ZNF81: variants seen among roughly 807,000 people sequenced by gnomAD.
The protein encoded by ZNF81 is zinc finger protein 81.
ZNF81 carries 5 observed loss-of-function variants against 32.3 expected under a neutral mutation model. That is an observed-to-expected ratio of 0.15 (90% CI 0.08 to 0.33). The LOEUF (loss-of-function observed/expected upper bound fraction) is 0.33. Ranked by LOEUF, ZNF81 falls within the 10% of genes least tolerant of loss-of-function variation. The probability of loss-of-function intolerance (pLI) is 1.00; values close to 1 mark genes in which losing one functional copy is unlikely to be tolerated. For synonymous variants in ZNF81, 163 were observed against 166.8 expected, an observed-to-expected ratio of 0.98 and a Z score of 0.17; for missense variants, 379 against 479.8, an observed-to-expected ratio of 0.79 and a Z score of 1.96.
At chrX:47,912,203 G>A (rs141186523) in intron 4 of ZNF81, among the ~76,000 whole-genome samples, 1,210 of 109,694 alleles carry the variant, frequency 0.011, 19 homozygotes, top group African/African-American at 0.04. Flanking sequence ...TGCTTCTGAA[G>A]CCATGCCTAG....
At chrX:47,883,961 AT>A (rs35559383) in intron 2 of ZNF81, among the ~76,000 whole-genome samples, 45,254 of 109,742 alleles carry the variant, frequency 0.41, 7,554 homozygotes, top group Middle Eastern at 0.61. Context: ...GTTATAAGAG[AT>A]TGTGGCTGGG....
At chrX:47,901,904 G>A (rs1044532647) in intron 4 of ZNF81, among the ~76,000 whole-genome samples, 1 of 111,366 alleles carries the variant, frequency 9.0e-6, no homozygotes, top group East Asian at 2.8e-4. Context: ...GAATTTTTCA[G>A]TGTTCACGTC....
intron 1 of ZNF81, among the ~76,000 whole-genome samples, chrX:47,840,462 A>T (rs2058443159): frequency 9.1e-6 from 1 of 109,352 alleles, no homozygotes; most frequent in Admixed American, 9.6e-5. Flanking sequence ...TGCCATGAAC[A>T]TAAGCTACTG....
chrX:47,912,703 C>T (rs2058743208), intron 4 of ZNF81, among the ~76,000 whole-genome samples: 1 of 109,558 alleles, frequency 9.1e-6, no homozygotes, highest in Non-Finnish European at 1.9e-5. Flanking sequence ...GTGCTTGACT[C>T]TGTGTTTCTG....
chrX:47,840,937 A>C (rs1427148356), intron 1 of ZNF81: 24 of 494,946 alleles, frequency 4.8e-5, no homozygotes, highest in Middle Eastern at 5.6e-4. Flanking sequence ...CATTGATACA[A>C]ATTTACTGCA....
chrX:47,837,660 TA>T (rs1253901121), intron 1 of ZNF81, among the ~76,000 whole-genome samples: 1 of 112,438 alleles, frequency 8.9e-6, no homozygotes, highest in Non-Finnish European at 1.9e-5. Context: ...TTGTCAAAAA[TA>T]AGTTGGCCAT....
Position 47,915,442 on chromosome X carries a change from A to G in ZNF81, c.796A>G (p.Lys266Glu). 8.3e-7 allele frequency: 1 copy of G among 1,211,684 alleles called. No individual in the cohort carries two copies. The highest frequency in any genetic ancestry group is 1.8e-5 in the South Asian group (1 of 56,992). The change falls in exon 5 of 5, where the codon AAA (lysine) becomes GAA (glutamate). Residue 266 changes from lysine (K) to glutamate (E), a missense_variant. Lys to Glu is a moderately conservative substitution (Grantham distance 56, BLOSUM62 1). This residue lies in a region of ZNF81 where 277 missense variants were observed against 306.6 expected (regional missense o/e 0.90). Coordinates refer to ENST00000338637, the MANE Select transcript of ZNF81 (RefSeq NM_007137.5). ...SLKHSLSQNV[K>E]FPIGEKANTC... ...CAAACACTCACTCAGTCAAAATGTG[A>G]AATTTCCCATTGGAGAGAAAGCAAA...
At chrX:47,888,257 A>G in intron 3 of ZNF81, 132 bp downstream of exon 3, 1 of 916,380 alleles carries the variant, frequency 1.1e-6, no homozygotes, top group Non-Finnish European at 1.5e-6. Flanking sequence ...GAGTCTTTAC[A>G]GAAGTAATCA....
intron 3 of ZNF81, among the ~76,000 whole-genome samples, chrX:47,889,921 C>T (rs1335562744): frequency 9.0e-6 from 1 of 111,325 alleles, no homozygotes; most frequent in South Asian, 3.8e-4. Flanking sequence ...AATCCGCCAC[C>T]ATGATCCAGT....
chrX:47,855,383 A>G (rs2058512678), intron 2 of ZNF81, among the ~76,000 whole-genome samples: 1 of 111,055 alleles, frequency 9.0e-6, no homozygotes, highest in African/African-American at 3.3e-5. Flanking sequence ...TACGAGAAAC[A>G]CAATATCTCT....
chrX:47,909,536 C>T (rs2058731920), intron 4 of ZNF81, among the ~76,000 whole-genome samples: 1 of 110,227 alleles, frequency 9.1e-6, no homozygotes, highest in African/African-American at 3.3e-5. Context: ...TTTAGGTTGT[C>T]ATACATGGCT....
chrX:47,915,055 G>A lies in ZNF81; in HGVS notation c.409G>A (p.Glu137Lys). The A allele has an allele frequency of 8.3e-7, 1 of 1,209,236 alleles. No homozygotes were observed. Among genetic ancestry groups the A allele is most frequent in the Non-Finnish European group, 1.1e-6 (1 of 894,697 alleles). ...TTTAGAAGAATTGTGGCAAGATGCT[G>A]AACAGATAAAGAGATGTCAGGAAAA... ...SILEELWQDA[E>K]QIKRCQEKHN... The change falls in exon 5 of 5, where the codon GAA becomes AAA. Residue 137 changes from glutamate (E) to lysine (K), a missense_variant. This residue lies in a region of ZNF81 where 277 missense variants were observed against 306.6 expected (regional missense o/e 0.90). Transcript: ENST00000338637.
chrX:47,902,225 A>G lies in ZNF81; in HGVS notation c.277+6285A>G. Among the ~76,000 whole-genome samples the G allele has an allele frequency of 1.8e-5, 2 of 111,521 alleles. 1 individual carries two copies. Among genetic ancestry groups the G allele is most frequent in the Middle Eastern group, 8.4e-3 (2 of 237 alleles). ...AATGTACTCTCTTTCTCTGAAGTTG[A>G]TAAAATTTCAATTCAACAGGAATAT... On this transcript the variant is annotated intron_variant, in intron 4 of 4. Transcript: ENST00000338637.
At chrX:47,839,640 A>T (rs2058438623) in intron 1 of ZNF81, among the ~76,000 whole-genome samples, 1 of 111,323 alleles carries the variant, frequency 9.0e-6, no homozygotes. Flanking sequence ...ATTCCAAAAT[A>T]AAAAAAAACT....
intron 2 of ZNF81, among the ~76,000 whole-genome samples, chrX:47,850,163 T>G (rs1424403231): frequency 2.7e-5 from 3 of 110,703 alleles, no homozygotes; most frequent in African/African-American, 9.9e-5. Flanking sequence ...GTATAAATGC[T>G]CACTGTAGCA....
intron 3 of ZNF81, among the ~76,000 whole-genome samples, chrX:47,888,362 G>A (rs942423556): frequency 2.7e-5 from 3 of 110,314 alleles, no homozygotes; most frequent in Non-Finnish European, 3.8e-5. Context: ...ATACACATAC[G>A]CACGCACACA....
intron 2 of ZNF81, among the ~76,000 whole-genome samples, chrX:47,871,958 A>G (rs920768387): frequency 8.9e-6 from 1 of 112,382 alleles, no homozygotes; most frequent in Admixed American, 9.4e-5. Flanking sequence ...ACAAGTGGAA[A>G]GGTTTTAAAA....
At chrX:47,898,201 C>T (rs1471531120) in intron 4 of ZNF81, among the ~76,000 whole-genome samples, 1 of 111,100 alleles carries the variant, frequency 9.0e-6, no homozygotes, top group African/African-American at 3.3e-5. Context: ...GGTACCTGGC[C>T]CTGGGGTGAT....
rs1233042033 is a variant in ZNF81 at position 47,920,821 on chromosome X, T to A, written c.*4189T>A. The A allele has an allele frequency of 9.0e-6, 1 of 111,201 alleles. No homozygotes were observed. Among genetic ancestry groups the A allele is most frequent in the Non-Finnish European group, 1.9e-5 (1 of 53,041 alleles). The allele number at this position is 111,201 out of a possible 1,213,427, so 9.2% of individuals were successfully genotyped here. On this transcript the variant is annotated 3_prime_UTR_variant, in exon 5 of 5. Coordinates refer to ENST00000338637, the MANE Select transcript of ZNF81 (RefSeq NM_007137.5). ...ACTACCCTTAGGTCTACAGCTCTCA[T>A]GAGTCTCCCGCACTCAGCCTTTAGC...
Sources: allele counts gnomAD v4.1 joint callset (sites outside exome capture counted in the v4.1 genomes callset), GRCh38; gene constraint gnomAD v4.1.1; regional missense constraint gnomAD v4.1.1; transcripts MANE v1.5; gene names NCBI Gene and HGNC (gene_info 2026-07-23, HGNC 2026-07-21).